The following CNTNAP3B variants were observed in gnomAD, a reference collection of about 807,000 sequenced individuals.
CNTNAP3B encodes contactin associated protein family member 3B.
Under a neutral mutation model 108.9 loss-of-function variants are expected in CNTNAP3B, and 25 were observed. The observed-to-expected ratio is 0.23, with a 90% CI of 0.17 to 0.32. The LOEUF is 0.32. Among genes scored for constraint, CNTNAP3B ranks in the 10% least tolerant of loss-of-function variants. The pLI is 1.00. For missense variants in CNTNAP3B, 252 were observed against 1,210.4 expected (o/e 0.21, Z 11.75); for synonymous variants, 103 against 473.4 (o/e 0.22, Z 10.16).
chr9:42,018,115 GATT>G (rs1176485681), intron 3 of CNTNAP3B, among the ~76,000 whole-genome samples: 1 of 136,314 alleles, frequency 7.3e-6, no homozygotes, highest in Admixed American at 7.4e-5. Context: ...TGTTTCTATA[GATT>G]ATTAAAAATT....
At chr9:42,047,826 G>A (rs1490349989) in intron 3 of CNTNAP3B, among the ~76,000 whole-genome samples, 4 of 114,200 alleles carry the variant, frequency 3.5e-5, no homozygotes, top group African/African-American at 1.1e-4. Context: ...CCAACCACTT[G>A]GGTTCAGATT....
intron 13 of CNTNAP3B, among the ~76,000 whole-genome samples, chr9:41,948,470 A>G (rs1824592340): frequency 6.7e-6 from 1 of 149,440 alleles, no homozygotes; most frequent in Non-Finnish European, 1.5e-5. Flanking sequence ...AGACTAGAGA[A>G]TGCTACCAAA....
intron 15 of CNTNAP3B, among the ~76,000 whole-genome samples, chr9:41,924,708 T>C (rs1376162972): frequency 2.6e-5 from 4 of 151,258 alleles, no homozygotes. Context: ...ATTCCTTTCA[T>C]GGCAAGAACA....
At chr9:42,096,256 A>C (rs1194178791) in intron 2 of CNTNAP3B, among the ~76,000 whole-genome samples, 2 of 138,686 alleles carry the variant, frequency 1.4e-5, no homozygotes, top group Non-Finnish European at 3.1e-5. Flanking sequence ...TTAAGCCACC[A>C]CCGGCAAGGC....
At chr9:42,120,161 C>T (rs1439676191) in intron 1 of CNTNAP3B, among the ~76,000 whole-genome samples, 1 of 147,838 alleles carries the variant, frequency 6.8e-6, no homozygotes, top group African/African-American at 2.6e-5. Context: ...AAAAAGTGAG[C>T]AAAGGATATG....
At chr9:42,030,782 G>GAGAT (rs1554751478) in intron 3 of CNTNAP3B, among the ~76,000 whole-genome samples, 4 of 108,404 alleles carry the variant, frequency 3.7e-5, no homozygotes, top group African/African-American at 1.7e-4. Context: ...GAGAGAGAGA[G>GAGAT]AGATGTGTGC....
chr9:42,054,068 T>C (rs2118549135), intron 3 of CNTNAP3B, among the ~76,000 whole-genome samples: 1 of 151,084 alleles, frequency 6.6e-6, no homozygotes, highest in East Asian at 1.9e-4. Flanking sequence ...CACAATAAAA[T>C]ATTAAGCTTT....
chr9:41,968,490 A>T (rs1825348412), intron 10 of CNTNAP3B, among the ~76,000 whole-genome samples: 1 of 141,454 alleles, frequency 7.1e-6, no homozygotes, highest in African/African-American at 2.8e-5. Context: ...AAGGTCAAGA[A>T]TGAGAGGTAC....
chr9:42,107,070 G>A lies in CNTNAP3B; in HGVS notation c.86-2331C>T, dbSNP rs1160002339. On this transcript the variant is annotated intron_variant, in intron 1 of 23. Transcript: ENST00000377561. Reference sequence around the variant, plus strand: ...TGTCCCTGGATTCCTGCAGTATCATGCGATACATGAAACAGCACTGGGCAT... The same window carrying A: ...TGTCCCTGGATTCCTGCAGTATCATACGATACATGAAACAGCACTGGGCAT... Among the ~76,000 whole-genome samples the A allele has an allele frequency of 1.3e-4, 12 of 91,116 alleles. 5 individuals are homozygous for A. The highest frequency in any genetic ancestry group is 2.7e-4 in the Non-Finnish European group (12 of 44,000). The allele number at this position is 91,116 out of a possible 152,430, so 59.8% of individuals were successfully genotyped here. A position where few individuals can be genotyped will look rare whatever the true frequency, so the allele number is the denominator to read the frequency against.
rs1319608932 is a variant in CNTNAP3B, at chr9:42,034,166, ATATG to A, written c.391-20645_391-20642del. On this transcript the variant is annotated intron_variant, in intron 3 of 23. Coordinates refer to ENST00000377561, the MANE Select transcript of CNTNAP3B (RefSeq NM_001201380.3). Reference sequence around the variant, plus strand: ...GTGTACATAATCTACCTATTTATCTATATGTATGTATGTATATATGTATCTATCT... The same window carrying A: ...GTGTACATAATCTACCTATTTATCTATATGTATGTATATATGTATCTATCT... Among the ~76,000 whole-genome samples the A allele has an allele frequency of 4.8e-5, 4 of 82,502 alleles. 1 individual carries two copies. The highest frequency in any genetic ancestry group is 1.4e-4 in the African/African-American group (3 of 22,164). The allele number at this position is 82,502 out of a possible 152,430, so 54.1% of individuals were successfully genotyped here.
chr9:41,990,493 T>A (rs1825786143), intron 8 of CNTNAP3B, among the ~76,000 whole-genome samples: 1 of 130,706 alleles, frequency 7.7e-6, no homozygotes, highest in African/African-American at 3.1e-5. Context: ...GGCCCCGCCC[T>A]CCGAATTTCT....
chr9:41,933,922 T>C (rs1824057572), intron 14 of CNTNAP3B, among the ~76,000 whole-genome samples: 1 of 152,120 alleles, frequency 6.6e-6, no homozygotes, highest in Admixed American at 6.5e-5. Flanking sequence ...TCAACAATAA[T>C]GTATAATACA....
At chr9:41,945,574 C>T (rs1162505745) in intron 13 of CNTNAP3B, among the ~76,000 whole-genome samples, 2 of 152,310 alleles carry the variant, frequency 1.3e-5, no homozygotes, top group African/African-American at 2.4e-5. Context: ...AATGAGAACA[C>T]TTGGACACAG....
At chr9:41,960,468 A>G in intron 12 of CNTNAP3B, 1 of 268,086 alleles carries the variant, frequency 3.7e-6, no homozygotes, top group East Asian at 7.1e-5. Context: ...TTCTAAATAC[A>G]GAAAGCATGT....
intron 9 of CNTNAP3B, among the ~76,000 whole-genome samples, chr9:41,977,807 A>C (rs1483011772): frequency 1.4e-5 from 1 of 71,490 alleles, no homozygotes; most frequent in Non-Finnish European, 2.8e-5. Context: ...TTTTTTTTGT[A>C]TTTTTAGTAG....
intron 3 of CNTNAP3B, among the ~76,000 whole-genome samples, chr9:42,063,814 T>C (rs1827215811): frequency 6.7e-6 from 1 of 148,378 alleles, no homozygotes; most frequent in Non-Finnish European, 1.5e-5. Context: ...CTCAAACTCC[T>C]GGGCTCAAGC....
chr9:41,934,097 TTACATATATATA>T (rs1564148234), intron 14 of CNTNAP3B, among the ~76,000 whole-genome samples: 1 of 20,004 alleles, frequency 5.0e-5, no homozygotes, highest in African/African-American at 1.9e-4. Context: ...TGCATATTTG[TTACATATATATA>T]TATATATATA....
chr9:41,958,821 G>A (rs1278311617), intron 12 of CNTNAP3B, among the ~76,000 whole-genome samples: 15 of 150,454 alleles, frequency 1.0e-4, no homozygotes, highest in Admixed American at 4.6e-4. Flanking sequence ...ACTTCAAGAC[G>A]GTTCCTTTTC....
intron 3 of CNTNAP3B, among the ~76,000 whole-genome samples, chr9:42,035,934 C>T (rs1441067933): frequency 1.4e-5 from 2 of 140,384 alleles, no homozygotes; most frequent in Non-Finnish European, 3.1e-5. Flanking sequence ...ATGGTGAAAC[C>T]ACATCTCTAC....
Sources: gnomAD v4.1 joint callset for allele counts (sites outside exome capture counted in the v4.1 genomes callset) on GRCh38, gnomAD v4.1.1 for gene constraint, MANE v1.5 for transcripts, NCBI Gene and HGNC (gene_info 2026-07-23, HGNC 2026-07-21) for gene names.